Variants in PXDNL observed in about 807,000 individuals in gnomAD.
PXDNL encodes the protein peroxidasin like, also known as probable oxidoreductase PXDNL.
PXDNL carries 145 observed loss-of-function variants against 150.8 expected under a neutral mutation model. The ratio of observed to expected loss-of-function variants is 0.96; its 90% CI spans 0.84 to 1.10. The LOEUF is 1.10. Ranked by LOEUF, PXDNL falls within the 50% of genes least tolerant of loss-of-function variation. The pLI is 0.00. For missense variants in PXDNL, 2,087 were observed against 1,873.9 expected (o/e 1.11, Z -2.10); for synonymous variants, 757 against 725.7 (o/e 1.04, Z -0.69).
At chr8:51,514,584 G>A (rs1811495950) in intron 4 of PXDNL, among the ~76,000 whole-genome samples, 1 of 152,116 alleles carries the variant, frequency 6.6e-6, no homozygotes, top group African/African-American at 2.4e-5. Flanking sequence ...CAATCTAAAT[G>A]CCTTCCAATA....
chr8:51,471,979 C>T (rs890132216), intron 8 of PXDNL, among the ~76,000 whole-genome samples: 1 of 152,104 alleles, frequency 6.6e-6, no homozygotes, highest in Non-Finnish European at 1.5e-5. Context: ...CATGAGCCAC[C>T]GCGCCCGGCC....
At chr8:51,640,603 A>G (rs891519497) in intron 2 of PXDNL, among the ~76,000 whole-genome samples, 2 of 152,238 alleles carry the variant, frequency 1.3e-5, no homozygotes, top group Non-Finnish European at 2.9e-5. Context: ...TCCCATTCAC[A>G]ATTGCTTCAA....
intron 3 of PXDNL, among the ~76,000 whole-genome samples, chr8:51,565,946 T>C (rs189455282): frequency 6.6e-6 from 1 of 152,006 alleles, no homozygotes; most frequent in Admixed American, 6.6e-5. Flanking sequence ...ATAGGGGTTT[T>C]TTTTGGATCT....
At chr8:51,769,486 T>G (rs1224335148) in intron 1 of PXDNL, among the ~76,000 whole-genome samples, 8 of 152,254 alleles carry the variant, frequency 5.3e-5, no homozygotes, top group Admixed American at 4.6e-4. Flanking sequence ...CTGAGTAGAC[T>G]TTATTCTGGT....
chr8:51,376,430 C>T (rs1807311238), intron 17 of PXDNL, among the ~76,000 whole-genome samples: 1 of 152,244 alleles, frequency 6.6e-6, no homozygotes, highest in East Asian at 1.9e-4. Context: ...TGTTTGAGTG[C>T]TGTTTAATTC....
Position 51,696,805 on chromosome 8 carries a change from T to TCACA in PXDNL, c.165-42049_165-42046dup, listed in dbSNP as rs769772282. Among the ~76,000 whole-genome samples, 150 of 26,408 alleles carry TCACA rather than the reference T, an allele frequency of 5.7e-3. 4 individuals carry two copies. The highest frequency in any genetic ancestry group is 0.028 in the African/African-American group (117 of 4,158). 17.3% of individuals were successfully genotyped at this position (26,408 alleles called of 152,430 possible). A position where few individuals can be genotyped will look rare whatever the true frequency, so the allele number is the denominator to read the frequency against. ...CACATACCCACCCACACATAGGTCT[T>TCACA]CACACACACACACACACACACACAC... On this transcript the variant is annotated intron_variant, in intron 1 of 22. Transcript: ENST00000356297.
chr8:51,676,981 A>G (rs993037292), intron 1 of PXDNL, among the ~76,000 whole-genome samples: 11 of 152,354 alleles, frequency 7.2e-5, no homozygotes, highest in African/African-American at 2.4e-4. Flanking sequence ...AAAACGAACC[A>G]GAGAGCACAG....
chr8:51,761,370 A>C (rs2037165058), intron 1 of PXDNL, among the ~76,000 whole-genome samples: 2 of 152,128 alleles, frequency 1.3e-5, no homozygotes, highest in Non-Finnish European at 1.5e-5. Context: ...GTAAAACGGG[A>C]TGAGAAATAA....
chr8:51,590,502 G>A (rs759095659), intron 3 of PXDNL, among the ~76,000 whole-genome samples: 2 of 152,320 alleles, frequency 1.3e-5, no homozygotes, highest in African/African-American at 2.4e-5. Context: ...ACATGGGGTC[G>A]TGGCCACCTG....
chr8:51,684,563 G>C (rs1002434042), intron 1 of PXDNL, among the ~76,000 whole-genome samples: 1 of 152,186 alleles, frequency 6.6e-6, no homozygotes, highest in Non-Finnish European at 1.5e-5. Flanking sequence ...TGATTATACT[G>C]TTACATGCAA....
rs140559722 is a variant in PXDNL at position 51,718,709 on chromosome 8, G to A, written c.165-63949C>T. Among the ~76,000 whole-genome samples, 385 of 152,298 alleles carry A rather than the reference G, an allele frequency of 2.5e-3. 1 individual carries two copies. The highest frequency in any genetic ancestry group is 8.8e-3 in the African/African-American group (365 of 41,572). ...TCAAAGATGGACACATCTGCTTGAA[G>A]TATCTTGTTTCACAGTCTCCACTGT... On this transcript the variant is annotated intron_variant, in intron 1 of 22. Transcript: ENST00000356297.
intron 2 of PXDNL, among the ~76,000 whole-genome samples, chr8:51,604,614 C>T (rs1248807653): frequency 1.3e-5 from 2 of 152,046 alleles, no homozygotes; most frequent in Non-Finnish European, 2.9e-5. Flanking sequence ...CAAACCTGCA[C>T]GTTGTGCACA....
chr8:51,784,350 C>T (rs1027594308), intron 1 of PXDNL, among the ~76,000 whole-genome samples: 18 of 152,158 alleles, frequency 1.2e-4, no homozygotes, highest in African/African-American at 3.9e-4. Context: ...ACAAATTATG[C>T]TTTTCTATTG....
chr8:51,374,470 T>A (rs1218733139), intron 18 of PXDNL, 127 bp downstream of exon 18: 3 of 834,498 alleles, frequency 3.6e-6, no homozygotes, highest in Non-Finnish European at 5.4e-6. Flanking sequence ...CACCTAATGC[T>A]ATCTGATATT....
At chr8:51,728,521 G>C (rs779805527) in intron 1 of PXDNL, among the ~76,000 whole-genome samples, 1 of 151,934 alleles carries the variant, frequency 6.6e-6, no homozygotes, top group Non-Finnish European at 1.5e-5. Context: ...TGATGATCCT[G>C]ATCCTGTGCA....
At chr8:51,710,901 C>T (rs909528730) in intron 1 of PXDNL, among the ~76,000 whole-genome samples, 8 of 152,174 alleles carry the variant, frequency 5.3e-5, no homozygotes, top group South Asian at 2.1e-4. Context: ...ATGGCAAGCT[C>T]ACAGCCCTCA....
chr8:51,494,413 A>G (rs1810988129), intron 5 of PXDNL, among the ~76,000 whole-genome samples: 1 of 152,184 alleles, frequency 6.6e-6, no homozygotes, highest in Non-Finnish European at 1.5e-5. Context: ...TGACAGGATC[A>G]GATTCACACA....
At chr8:51,475,286 T>C in intron 6 of PXDNL, 145 bp from the exon 7 acceptor site, 1 of 751,106 alleles carries the variant, frequency 1.3e-6, no homozygotes, top group Non-Finnish European at 2.1e-6. Flanking sequence ...AATAAACAGA[T>C]TTTAAGAATC....
chr8:51,648,443 G>A (rs922300678), intron 2 of PXDNL, among the ~76,000 whole-genome samples: 1 of 152,130 alleles, frequency 6.6e-6, no homozygotes, highest in Non-Finnish European at 1.5e-5. Flanking sequence ...GTGGACTCAA[G>A]GCAAGAAACA....
Sources: allele counts gnomAD v4.1 joint callset (sites outside exome capture counted in the v4.1 genomes callset), GRCh38; gene constraint gnomAD v4.1.1; transcripts MANE v1.5; gene names NCBI Gene and HGNC (gene_info 2026-07-23, HGNC 2026-07-21).